The following HNRNPH1 variants were observed in gnomAD, a reference collection of about 807,000 sequenced individuals.
HNRNPH1 encodes heterogeneous nuclear ribonucleoprotein H1.
Under a neutral mutation model 58.6 loss-of-function variants are expected in HNRNPH1, and 4 were observed. The ratio of observed to expected loss-of-function variants is 0.07; its 90% CI spans 0.03 to 0.16. HNRNPH1 has a LOEUF of 0.16. HNRNPH1 is among the 10% of genes least tolerant of loss of function. HNRNPH1 has a pLI of 1.00. For synonymous variants in HNRNPH1, 192 were observed against 189.2 expected, an observed-to-expected ratio of 1.01 and a Z score of -0.12; for missense variants, 271 against 564.2, an observed-to-expected ratio of 0.48 and a Z score of 5.26.
chr5:179,620,729 A>G (rs1771942220), intron 3 of HNRNPH1, 163 bp downstream of exon 4: 1 of 619,656 alleles, frequency 1.6e-6, no homozygotes, highest in Non-Finnish European at 2.8e-6. Flanking sequence ...TCCACCTTTA[A>G]GATGGGCTTA....
At chr5:179,627,662 C>T (rs1281457461), upstream of HNRNPH1, among the ~76,000 whole-genome samples, 2 of 152,036 alleles carry the variant, frequency 1.3e-5, no homozygotes, top group African/African-American at 4.8e-5. Context: ...ATGGCTCACA[C>T]TTGTAATCCC....
chr5:179,626,985 G>A (rs1774458890), upstream of HNRNPH1, among the ~76,000 whole-genome samples: 1 of 151,948 alleles, frequency 6.6e-6, no homozygotes, highest in South Asian at 2.1e-4. Flanking sequence ...GTTTCACCGT[G>A]TTAGCCAGGA....
intron 9 of HNRNPH1, 27 bp from the exon 11 acceptor site, chr5:179,616,985 G>A (rs1047824214): frequency 1.5e-6 from 2 of 1,308,084 alleles, no homozygotes; most frequent in East Asian, 2.4e-5. Flanking sequence ...GGCATACAAG[G>A]TTAGCTTAAA....
chr5:179,620,316 G>A (rs1286488243), intron 3 of HNRNPH1, among the ~76,000 whole-genome samples: 1 of 151,998 alleles, frequency 6.6e-6, no homozygotes, highest in East Asian at 1.9e-4. Flanking sequence ...AATACTTTAG[G>A]CCCAGGAACA....
chr5:179,628,098 C>T (rs1016849342), upstream of HNRNPH1, among the ~76,000 whole-genome samples: 1 of 152,044 alleles, frequency 6.6e-6, no homozygotes, highest in African/African-American at 2.4e-5. Flanking sequence ...GCTGTGATTA[C>T]AGGTGTGAGC....
intron 2 of HNRNPH1, chr5:179,633,961 A>T (rs1374544554): frequency 6.6e-6 from 1 of 152,320 alleles, no homozygotes; most frequent in East Asian, 1.9e-4. Context: ...ATAACAAAGT[A>T]AGCAGTAAAA....
exon 2 of HNRNPH1, chr5:179,634,152 G>A (rs1003611929): frequency 7.0e-6 from 1 of 142,202 alleles, no homozygotes; most frequent in Non-Finnish European, 1.5e-5. Flanking sequence ...TCCCTTCAGA[G>A]CAGCGCTGGA....
chr5:179,614,582 TAC>T (rs1768541132), exon 13 of HNRNPH1: 1 of 290,924 alleles, frequency 3.4e-6, no homozygotes, highest in East Asian at 6.3e-5. Context: ...ACTGCTTAAG[TAC>T]ATCCTATAAC....
chr5:179,626,606 C>G (rs1468540515), upstream of HNRNPH1, among the ~76,000 whole-genome samples: 1 of 150,320 alleles, frequency 6.7e-6, no homozygotes, highest in Non-Finnish European at 1.5e-5. Context: ...ATCCCAGCTA[C>G]TCAGGAGGCT....
chr5:179,617,724 G>A, intron 7 of HNRNPH1, 75 bp from the exon 9 acceptor site: 1 of 1,603,840 alleles, frequency 6.2e-7, no homozygotes, highest in Non-Finnish European at 8.5e-7. Context: ...TTCTAACATA[G>A]TGCTCACATT....
At chr5:179,615,174 C>A in intron 12 of HNRNPH1, 2 of 486,302 alleles carry the variant, frequency 4.1e-6, no homozygotes, top group Non-Finnish European at 7.3e-6. Flanking sequence ...TCTTGTGCTA[C>A]CATTTTAACG....
rs1386773429 is a variant in HNRNPH1, at chr5:179,620,825, G to A, written c.397+67C>T. On this transcript the variant is annotated intron_variant, in intron 3 of 12. Coordinates refer to ENST00000356731, the Ensembl canonical transcript of HNRNPH1. Reference sequence around the variant, plus strand: ...AATACCTAAGCTACTCAACTTTAACGTCTATTAAATCACCTTGCCATAAGC... The same window carrying A: ...AATACCTAAGCTACTCAACTTTAACATCTATTAAATCACCTTGCCATAAGC... 2.9e-5 allele frequency: 42 copies of A among 1,426,370 alleles called. No individual in the cohort carries two copies. In the Admixed American group the frequency reaches 3.6e-4, roughly 12 times the overall value. 88.4% of individuals were successfully genotyped at this position (1,426,370 alleles called of 1,614,324 possible).
upstream of HNRNPH1, among the ~76,000 whole-genome samples, chr5:179,629,595 C>G (rs886920824): frequency 6.6e-6 from 1 of 151,466 alleles, no homozygotes; most frequent in Non-Finnish European, 1.5e-5. Flanking sequence ...AGAATTTGTT[C>G]GTAGTAGTAC....
At chr5:179,623,423 GCCTCCT>G (rs1237744504) in exon 1 of HNRNPH1, 4 of 255,728 alleles carry the variant, frequency 1.6e-5, no homozygotes, top group African/African-American at 9.1e-5. Context: ...CTTCCGCTCC[GCCTCCT>G]CCGACTTCTC....
chr5:179,621,351 G>C, exon 2 of HNRNPH1: 1 of 1,613,898 alleles, frequency 6.2e-7, no homozygotes, highest in Non-Finnish European at 8.5e-7. Context: ...TGCCTTCTCT[G>C]GTGTAGATGA....
rs1270752943 is a variant in HNRNPH1, at chr5:179,619,426, T to C, written c.398-19A>G. ...TCCAACCCTTCAACCCAAGGACAAATAACCCCAGTAGGGGGGCAATATTAA... is the reference window on the plus strand; with the variant it reads ...TCCAACCCTTCAACCCAAGGACAAACAACCCCAGTAGGGGGGCAATATTAA... On this transcript the variant is annotated intron_variant, in intron 3 of 12. Transcript: ENST00000356731. 6.2e-7 allele frequency: 1 copy of C among 1,603,060 alleles called. No homozygotes were observed.
At chr5:179,621,986 G>C (rs1161129149) in intron 1 of HNRNPH1, 2 of 456,280 alleles carry the variant, frequency 4.4e-6, no homozygotes, top group Non-Finnish European at 8.8e-6. Context: ...GCTAAATTCA[G>C]ATAGTAAGTC....
At chr5:179,615,500 T>C (rs562983715) in intron 12 of HNRNPH1, 46 bp downstream of exon 13, 6 of 1,000,336 alleles carry the variant, frequency 6.0e-6, no homozygotes, top group African/African-American at 3.2e-5. Flanking sequence ...TTACAACATA[T>C]CAGTATTTGC....
chr5:179,629,080 AAGG>A (rs1774616005), upstream of HNRNPH1: 1 of 147,942 alleles, frequency 6.8e-6, no homozygotes, highest in Non-Finnish European at 1.5e-5. Flanking sequence ...GGCAGATCAC[AAGG>A]TCAGCAGATC....
Sources: gnomAD v4.1 joint callset for allele counts (sites outside exome capture counted in the v4.1 genomes callset) on GRCh38, gnomAD v4.1.1 for gene constraint, MANE v1.5 for transcripts, NCBI Gene and HGNC (gene_info 2026-07-23, HGNC 2026-07-21) for gene names.